Variants in SLC37A2 observed in about 807,000 individuals in gnomAD.
SLC37A2 encodes glucose-6-phosphate exchanger SLC37A2.
Under a neutral mutation model 70.7 loss-of-function variants are expected in SLC37A2, and 59 were observed. The ratio of observed to expected loss-of-function variants is 0.83; its 90% CI spans 0.68 to 1.04. The LOEUF is 1.04. Ranked by LOEUF, SLC37A2 falls within the 50% of genes least tolerant of loss-of-function variation. SLC37A2 has a pLI of 0.00. For missense variants in SLC37A2, 580 were observed against 658.1 expected (o/e 0.88, Z 1.30); for synonymous variants, 257 against 262.1 (o/e 0.98, Z 0.19).
At chr11:125,085,521 C>T (rs1217895536) in intron 15 of SLC37A2, 48 bp downstream of exon 15, 1 of 1,613,472 alleles carries the variant, frequency 6.2e-7, no homozygotes. Context: ...GCATAGTGCC[C>T]TCCGGTGGGC....
At chr11:125,081,396 C>T (rs771494696) in intron 7 of SLC37A2, 25 bp from the exon 8 acceptor site, 1 of 1,600,848 alleles carries the variant, frequency 6.2e-7, no homozygotes, top group Non-Finnish European at 8.5e-7. Flanking sequence ...TGGGAAACTT[C>T]TTAGAAAGCG....
chr11:125,063,540 A>C lies in SLC37A2; in HGVS notation c.59+114A>C. 1 of 998,374 alleles carries C rather than the reference A, an allele frequency of 1.0e-6. No homozygotes were observed. The highest frequency in any genetic ancestry group is 1.5e-6 in the Non-Finnish European group (1 of 685,630). The allele number at this position is 998,374 out of a possible 1,614,324, so 61.8% of individuals were successfully genotyped here. On this transcript the variant is annotated intron_variant, in intron 1 of 17. Transcript: ENST00000403796. The surrounding 1 kb of genome is among the most constrained non-coding windows in gnomAD (Gnocchi z 5.4). ...TCGGCCCCGGCGTCGCCGCGTGGCC[A>C]GGGGTGCTGGGGGGACTTGGTCCCG...
At chr11:125,084,998 C>T in intron 13 of SLC37A2, 68 bp from the exon 14 acceptor site, 1 of 1,592,614 alleles carries the variant, frequency 6.3e-7, no homozygotes, top group Non-Finnish European at 8.6e-7. Flanking sequence ...CTGGAGAGTG[C>T]TCCTGCCTTG....
chr11:125,067,336 C>T (rs1023338491), intron 1 of SLC37A2, among the ~76,000 whole-genome samples: 7 of 152,094 alleles, frequency 4.6e-5, no homozygotes, highest in African/African-American at 1.4e-4. Context: ...ACTAGTAACA[C>T]GTATACTGTT....
intron 12 of SLC37A2, among the ~76,000 whole-genome samples, 177 bp from the exon 13 acceptor site, chr11:125,084,648 C>T (rs964593120): frequency 1.3e-5 from 2 of 152,200 alleles, no homozygotes; most frequent in African/African-American, 2.4e-5. Flanking sequence ...TAGAGTACCA[C>T]GTTTTAGACC....
chr11:125,063,855 C>T lies in SLC37A2; in HGVS notation c.59+429C>T, dbSNP rs905573098. The stretch of plus-strand genomic sequence containing the variant: ...TTGCCACTGGGGTTTGTGAGTGTCC[C>T]TCTTGGTCTCCTTTAGCCCTCGAAC... On this transcript the variant is annotated intron_variant, in intron 1 of 17. Coordinates refer to ENST00000403796, the MANE Select transcript of SLC37A2 (RefSeq NM_001145290.2). This position sits in a 1 kb window ranked among gnomAD's most constrained non-coding sequence, Gnocchi z 5.4. 8.5e-5 allele frequency among the ~76,000 whole-genome samples: 13 copies of T among 152,226 alleles called. No homozygotes were observed. Among genetic ancestry groups the T allele is most frequent in the Admixed American group, 7.9e-4 (12 of 15,286 alleles).
chr11:125,080,687 ATC>A lies in SLC37A2; in HGVS notation c.603_604del (p.Ile201MetfsTer45). 6.3e-7 allele frequency: 1 copy of A among 1,587,114 alleles called. No individual in the cohort carries two copies. Among genetic ancestry groups the A allele is most frequent in the Non-Finnish European group, 8.6e-7 (1 of 1,166,008 alleles). On this transcript the variant is annotated frameshift_variant, in exon 7 of 18. Coordinates refer to ENST00000403796, the MANE Select transcript of SLC37A2 (RefSeq NM_001145290.2). LOFTEE classifies it high-confidence loss of function. The surrounding 1 kb of genome is among the most constrained non-coding windows in gnomAD (Gnocchi z 4.3). ...GNILGSLIAG[I>X]WVNGQWGLSF... is the part of the protein sequence containing the mutation. ...CATCCTGGGCTCCCTGATCGCCGGC[ATC>A]TGGGTGAACGGGCAGTGGGGCCTGT...
At chr11:125,075,679 G>C (rs1253978751) in intron 1 of SLC37A2, among the ~76,000 whole-genome samples, 2 of 152,264 alleles carry the variant, frequency 1.3e-5, no homozygotes, top group Non-Finnish European at 2.9e-5. Context: ...AGCCTTCGCT[G>C]AAATGCCCCT....
chr11:125,079,948 G>C (rs1949129377), intron 6 of SLC37A2, among the ~76,000 whole-genome samples, 188 bp downstream of exon 6: 1 of 152,190 alleles, frequency 6.6e-6, no homozygotes, highest in South Asian at 2.1e-4. Context: ...AACCCATAGA[G>C]CAGGCAACCT....
Position 125,083,959 on chromosome 11 carries a change from G to C in SLC37A2, c.1039+82G>C, listed in dbSNP as rs901203379. ...GCAGGAAGAAGGGACAGGTCCGATG[G>C]GCTATGACCTGGGTAGGTGGCACCA... is the stretch of plus-strand genomic sequence containing the variant. On this transcript the variant is annotated intron_variant, in intron 11 of 17. Transcript: ENST00000403796. This position sits in a 1 kb window ranked among gnomAD's most constrained non-coding sequence, Gnocchi z 4.6. 4.4e-6 allele frequency: 6 copies of C among 1,372,922 alleles called. No individual in the cohort carries two copies. In the Admixed American group the frequency reaches 1.0e-4, roughly 24 times the overall value. 85.0% of individuals were successfully genotyped at this position (1,372,922 alleles called of 1,614,324 possible).
In SLC37A2 at chr11:125,082,256, TTC is replaced by T. The variant is rs1949159155; in HGVS notation, c.904_905del (p.Leu302ValfsTer27). The part of the protein sequence containing the change: ...GALRIPGVVE[F>X]SLCLLFAKLV... ...TTGCACTCCCCAGGGCGTGGTCGAG[TTC>T]TCTCTGTGTCTGCTGTTTGCCAAGC... is the stretch of plus-strand genomic sequence containing the variant. On this transcript the variant is annotated frameshift_variant, in exon 10 of 18. Coordinates refer to ENST00000403796, the MANE Select transcript of SLC37A2 (RefSeq NM_001145290.2). LOFTEE classifies it high-confidence loss of function. 2 of 1,613,824 alleles carry T rather than the reference TTC, an allele frequency of 1.2e-6. No individual in the cohort carries two copies. The highest frequency in any genetic ancestry group is 2.2e-5 in the East Asian group (1 of 44,840).
intron 1 of SLC37A2, among the ~76,000 whole-genome samples, chr11:125,072,867 C>T (rs964752999): frequency 2.6e-5 from 4 of 152,178 alleles, no homozygotes; most frequent in African/African-American, 4.8e-5. Flanking sequence ...CTATGCCATG[C>T]CCAGCGAGTG....
At chr11:125,084,925 G>A in intron 13 of SLC37A2, 52 bp downstream of exon 13, 1 of 1,610,416 alleles carries the variant, frequency 6.2e-7, no homozygotes, top group Middle Eastern at 1.7e-4. Flanking sequence ...CACTGCCTTG[G>A]GGGCCCCATG....
chr11:125,076,189 G>T (rs973133112), intron 1 of SLC37A2, among the ~76,000 whole-genome samples: 1 of 152,138 alleles, frequency 6.6e-6, no homozygotes, highest in Non-Finnish European at 1.5e-5. Context: ...TGGGATGGAC[G>T]GACTGGGACT....
Position 125,088,023 on chromosome 11 carries a change from A to G in SLC37A2, c.1491-96A>G, listed in dbSNP as rs745462247. ...AGAACTGAGATGAAAGCAATGATGAAGGGACCCTGGGACCCTGCCTTTCCT... is the reference window on the plus strand; with the variant it reads ...AGAACTGAGATGAAAGCAATGATGAGGGGACCCTGGGACCCTGCCTTTCCT... On this transcript the variant is annotated intron_variant, in intron 17 of 17. Transcript: ENST00000403796. The G allele has an allele frequency of 2.9e-6, 4 of 1,361,858 alleles. No individual in the cohort carries two copies. In the Admixed American group the frequency reaches 8.0e-5, roughly 27 times the overall value. The allele number at this position is 1,361,858 out of a possible 1,614,324, so 84.4% of individuals were successfully genotyped here.
chr11:125,084,130 T>C, intron 11 of SLC37A2, 104 bp from the exon 12 acceptor site: 1 of 1,315,092 alleles, frequency 7.6e-7, no homozygotes, highest in South Asian at 1.2e-5. Context: ...CTGCTGGTTC[T>C]TGCTGACAGG....
chr11:125,085,222 T>A, intron 14 of SLC37A2, 83 bp downstream of exon 14: 1 of 1,423,866 alleles, frequency 7.0e-7, no homozygotes, highest in Admixed American at 1.7e-5. Flanking sequence ...TTTCTCCCTG[T>A]CTCCCATCCC....
intron 1 of SLC37A2, among the ~76,000 whole-genome samples, chr11:125,064,247 C>T (rs1345256710): frequency 2.6e-5 from 4 of 152,146 alleles, no homozygotes; most frequent in Non-Finnish European, 4.4e-5. Context: ...TGTAATCCCA[C>T]CACTTTGGGA....
In SLC37A2 at chr11:125,083,990, A is replaced by G. The variant is rs1949177160; in HGVS notation, c.1039+113A>G. ...GACCTGGGTAGGTGGCACCAGAGGAAAAATGGCTCCTGGGTTTATTCTCAG... is the reference window on the plus strand; with the variant it reads ...GACCTGGGTAGGTGGCACCAGAGGAGAAATGGCTCCTGGGTTTATTCTCAG... On this transcript the variant is annotated intron_variant, in intron 11 of 17. Transcript: ENST00000403796. The surrounding 1 kb of genome is among the most constrained non-coding windows in gnomAD (Gnocchi z 4.6). 9.0e-7 allele frequency: 1 copy of G among 1,106,000 alleles called. No individual in the cohort carries two copies. Among genetic ancestry groups the G allele is most frequent in the Non-Finnish European group, 1.3e-6 (1 of 740,992 alleles). The allele number at this position is 1,106,000 out of a possible 1,614,324, so 68.5% of individuals were successfully genotyped here. A position where few individuals can be genotyped will look rare whatever the true frequency, so the allele number is the denominator to read the frequency against.
Sources: allele counts gnomAD v4.1 joint callset (sites outside exome capture counted in the v4.1 genomes callset), GRCh38; gene constraint gnomAD v4.1.1; non-coding constraint Gnocchi (gnomAD v3.1); transcripts MANE v1.5; gene names NCBI Gene and HGNC (gene_info 2026-07-23, HGNC 2026-07-21).